The following TNS3 variants were observed in gnomAD, a reference collection of about 807,000 sequenced individuals.
The protein encoded by TNS3 is tensin 3.
TNS3 carries 45 observed loss-of-function variants against 140.9 expected under a neutral mutation model. That is an observed-to-expected ratio of 0.32 (90% CI 0.25 to 0.41). The LOEUF is 0.41. Ranked by LOEUF, TNS3 falls within the 10% of genes least tolerant of loss-of-function variation. TNS3 has a pLI of 1.00. For synonymous variants in TNS3, 815 were observed against 788.4 expected (o/e 1.03, Z -0.56); for missense variants, 1,716 against 1,906.7 (o/e 0.90, Z 1.86).
rs906826472 is a variant in TNS3, at chr7:47,563,755, C to G, written c.-265+18296G>C. On this transcript the variant is annotated intron_variant, in intron 1 of 30. Coordinates refer to ENST00000311160, the MANE Select transcript of TNS3 (RefSeq NM_022748.12). Reference sequence around the variant, plus strand: ...ACTTGCCAACCAGCATAAATCTTCCCACTGCCCCAGACCACAGTCACAGTC... The same window carrying G: ...ACTTGCCAACCAGCATAAATCTTCCGACTGCCCCAGACCACAGTCACAGTC... Among the ~76,000 whole-genome samples the G allele has an allele frequency of 2.6e-5, 4 of 152,204 alleles. No individual in the cohort carries two copies. In the East Asian group the frequency reaches 7.7e-4, roughly 29 times the overall value.
chr7:47,388,619 C>A (rs992654591), intron 16 of TNS3, among the ~76,000 whole-genome samples: 3 of 152,176 alleles, frequency 2.0e-5, no homozygotes, highest in African/African-American at 7.2e-5. Flanking sequence ...AATCCCAGCA[C>A]TTTGGGAGGC....
At chr7:47,433,121 T>A (rs1254294157) in intron 8 of TNS3, among the ~76,000 whole-genome samples, 1 of 152,000 alleles carries the variant, frequency 6.6e-6, no homozygotes, top group South Asian at 2.1e-4. Flanking sequence ...ACGGGAAGCA[T>A]AGGAGGACCG....
intron 2 of TNS3, 127 bp downstream of exon 2, chr7:47,528,909 A>T (rs1799294820): frequency 2.3e-6 from 1 of 426,464 alleles, no homozygotes. Flanking sequence ...GGGTTGGGGG[A>T]CATATAAACT....
chr7:47,572,046 C>T (rs1800569578), intron 1 of TNS3, among the ~76,000 whole-genome samples: 4 of 152,236 alleles, frequency 2.6e-5, no homozygotes, highest in Admixed American at 2.6e-4. Context: ...AGAGGGGCCA[C>T]CTCACTGCTA....
intron 3 of TNS3, among the ~76,000 whole-genome samples, chr7:47,493,374 T>C (rs1472053744): frequency 6.6e-6 from 1 of 152,196 alleles, no homozygotes; most frequent in Non-Finnish European, 1.5e-5. Flanking sequence ...AGAAAAGGTA[T>C]AAACATACAA....
chr7:47,405,292 A>G (rs935042376), intron 13 of TNS3, among the ~76,000 whole-genome samples: 1 of 152,132 alleles, frequency 6.6e-6, no homozygotes, highest in African/African-American at 2.4e-5. Context: ...TACTAAGCAA[A>G]AGAGCAGAAC....
chr7:47,467,138 C>T (rs577076793), intron 4 of TNS3, among the ~76,000 whole-genome samples: 4 of 152,198 alleles, frequency 2.6e-5, no homozygotes, highest in East Asian at 1.9e-4. Context: ...CAGCCTGCCC[C>T]GGTGAAGTCC....
At chr7:47,566,055 TGA>T (rs1800422830) in intron 1 of TNS3, among the ~76,000 whole-genome samples, 1 of 152,144 alleles carries the variant, frequency 6.6e-6, no homozygotes, top group South Asian at 2.1e-4. Context: ...TTAATCCAGA[TGA>T]GTGGTTCTAA....
chr7:47,278,302 G>A (rs1015767921), intron 30 of TNS3, 82 bp from the exon 31 acceptor site: 7 of 1,489,280 alleles, frequency 4.7e-6, no homozygotes, highest in East Asian at 2.3e-5. Context: ...CAGCGGCACT[G>A]TCAGGAGGAA....
chr7:47,564,648 AACAAAAAAAAAC>A (rs1308970256), intron 1 of TNS3, among the ~76,000 whole-genome samples: 10 of 17,496 alleles, frequency 5.7e-4, no homozygotes, highest in Non-Finnish European at 2.0e-3. Flanking sequence ...AAAAAAAAAA[AACAAAAAAAAAC>A]AAAAAAAGAC....
chr7:47,491,594 C>A (rs554720847), intron 3 of TNS3, among the ~76,000 whole-genome samples: 3 of 152,186 alleles, frequency 2.0e-5, no homozygotes, highest in Non-Finnish European at 4.4e-5. Flanking sequence ...CCATCTCAGT[C>A]GGCCATACAG....
At chr7:47,532,365 C>T (rs1799440021) in intron 1 of TNS3, among the ~76,000 whole-genome samples, 1 of 152,202 alleles carries the variant, frequency 6.6e-6, no homozygotes, top group South Asian at 2.1e-4. Flanking sequence ...TCAGCAGGCA[C>T]TTCCTCCCCT....
At chr7:47,444,434 T>C (rs541005929) in intron 4 of TNS3, among the ~76,000 whole-genome samples, 13 of 152,244 alleles carry the variant, frequency 8.5e-5, no homozygotes, top group Non-Finnish European at 1.5e-4. Context: ...ATATAACTCA[T>C]GGGGCAAAAC....
intron 1 of TNS3, among the ~76,000 whole-genome samples, chr7:47,551,623 G>A (rs573169190): frequency 7.2e-5 from 11 of 152,326 alleles, no homozygotes; most frequent in Admixed American, 2.0e-4. Flanking sequence ...TGAGAACTAC[G>A]AAAACATTCG....
At chr7:47,542,408 C>G (rs1432782818) in intron 1 of TNS3, among the ~76,000 whole-genome samples, 1 of 152,180 alleles carries the variant, frequency 6.6e-6, no homozygotes. Context: ...GTCCCTCTGA[C>G]GTGTGCTCAC....
chr7:47,364,387 A>T (rs1272775184), intron 17 of TNS3, among the ~76,000 whole-genome samples: 2 of 146,196 alleles, frequency 1.4e-5, no homozygotes, highest in Non-Finnish European at 3.0e-5. Context: ...GGTTCAAGTG[A>T]TTCTCCTGCC....
At chr7:47,302,000 T>C (rs1786428351) in intron 23 of TNS3, among the ~76,000 whole-genome samples, 186 bp downstream of exon 23, 1 of 152,210 alleles carries the variant, frequency 6.6e-6, no homozygotes, top group African/African-American at 2.4e-5. Flanking sequence ...AGTTTTCCCC[T>C]ATAAAAACTT....
chr7:47,281,234 C>T (rs917133729), intron 28 of TNS3, among the ~76,000 whole-genome samples: 2 of 152,228 alleles, frequency 1.3e-5, no homozygotes, highest in Non-Finnish European at 2.9e-5. Context: ...AGACCTCCTT[C>T]CAGGCTCACC....
chr7:47,400,715 T>G (rs886347164), intron 14 of TNS3, 70 bp downstream of exon 14: 49 of 1,586,196 alleles, frequency 3.1e-5, no homozygotes, highest in Non-Finnish European at 4.1e-5. Context: ...AAGGGGATAG[T>G]GAAAGAATCA....
Sources: allele counts gnomAD v4.1 joint callset (sites outside exome capture counted in the v4.1 genomes callset), GRCh38; gene constraint gnomAD v4.1.1; transcripts MANE v1.5; gene names NCBI Gene and HGNC (gene_info 2026-07-23, HGNC 2026-07-21).